Variants in SLC39A2 observed in about 807,000 individuals in gnomAD.
The protein encoded by SLC39A2 is solute carrier family 39 member 2.
Under a neutral mutation model 18.0 loss-of-function variants are expected in SLC39A2, and 14 were observed. The observed-to-expected ratio is 0.78, with a 90% confidence interval of 0.51 to 1.22. The LOEUF is 1.22. Ranked by LOEUF, SLC39A2 falls within the 50% of genes most tolerant of loss-of-function variation. The pLI is 0.00. For missense variants in SLC39A2, 375 were observed against 370.6 expected, an observed-to-expected ratio of 1.01 and a Z score of -0.10; for synonymous variants, 152 against 153.1, an observed-to-expected ratio of 0.99 and a Z score of 0.05.
rs746999749 is a variant in SLC39A2, at chr14:21,001,504, T to C, written c.855T>C (p.Pro285=). Reference sequence around the variant, plus strand: ...TTCTTCCACGGGAGCTAGCTAGTCCTGAGGCCCCTCTAGCTAAGTGGAGCT... The same window carrying C: ...TTCTTCCACGGGAGCTAGCTAGTCCCGAGGCCCCTCTAGCTAAGTGGAGCT... The part of the protein sequence containing the change: ...LEILPRELAS[P]EAPLAKWSCV... The change falls in exon 4 of 4, where the codon CCT becomes CCC. Residue 285 remains proline (P), a synonymous_variant. Transcript: ENST00000298681. The C allele has an allele frequency of 3.1e-6, 5 of 1,611,088 alleles. No individual in the cohort carries two copies. In the African/African-American group the frequency reaches 6.7e-5, roughly 22 times the overall value.
intron 3 of SLC39A2, 147 bp downstream of exon 3, chr14:21,000,313 A>G: frequency 6.5e-6 from 4 of 614,474 alleles, no homozygotes; most frequent in Non-Finnish European, 1.1e-5. Context: ...AAAGAGGAGC[A>G]AATCCAATCC....
intron 3 of SLC39A2, 86 bp downstream of exon 3, chr14:21,000,252 T>G: frequency 1.1e-6 from 1 of 949,284 alleles, no homozygotes; most frequent in Non-Finnish European, 1.6e-6. Context: ...GAGGAATACA[T>G]GAGGAGTACC....
chr14:21,000,472 T>C (rs544069804), intron 3 of SLC39A2, among the ~76,000 whole-genome samples: 1 of 152,324 alleles, frequency 6.6e-6, no homozygotes, highest in East Asian at 1.9e-4. Context: ...TTTGTTGTTG[T>C]TGTTTTTCGT....
rs1451447943 is a variant in SLC39A2, at chr14:21,000,125, G to C, written c.256G>C (p.Ala86Pro). The stretch of plus-strand genomic sequence containing the variant: ...GCTGCTTTCTTCTTAGAACAGATCA[G>C]CAAGTGAGAGAAATTCTTCTGGTGA... ...IQKFMVQNRSASERNSSGDAD... is the reference protein window; with the variant it reads ...IQKFMVQNRSPSERNSSGDAD... Residue 86 changes from alanine (A) to proline (P), a missense_variant, in exon 3 of 4, where the codon GCA becomes CCA. By Grantham distance (27) the Ala-to-Pro change is conservative. Coordinates refer to ENST00000298681, the MANE Select transcript of SLC39A2 (RefSeq NM_014579.4). 4 of 1,612,926 alleles carry C rather than the reference G, an allele frequency of 2.5e-6. No individual in the cohort carries two copies. The highest frequency in any genetic ancestry group is 3.4e-6 in the Non-Finnish European group (4 of 1,179,302).
At position 21,001,266 on chromosome 14, in the gene SLC39A2, T is replaced by C; in HGVS notation, c.617T>C (p.Val206Ala). The part of the protein sequence containing the change: ...CLAVLAHKGL[V>A]VFGVGMRLVH... ...GCTGTCCTGGCTCATAAGGGGCTTG[T>C]GGTGTTTGGTGTAGGAATGCGGCTA... The change falls in exon 4 of 4, where the codon GTG (valine) becomes GCG (alanine). Residue 206 changes from valine (V) to alanine (A), a missense_variant. Val to Ala is a moderately conservative substitution (Grantham distance 64, BLOSUM62 0). Transcript: ENST00000298681. The C allele has an allele frequency of 1.2e-6, 2 of 1,614,186 alleles. No homozygotes were observed. Among genetic ancestry groups the C allele is most frequent in the Non-Finnish European group, 1.7e-6 (2 of 1,180,018 alleles).
intron 3 of SLC39A2, 46 bp downstream of exon 3, chr14:21,000,212 G>C (rs569859254): frequency 2.1e-6 from 3 of 1,458,916 alleles, no homozygotes; most frequent in Non-Finnish European, 2.9e-6. Context: ...AGGAGAACCA[G>C]AGAGGCCTTT....
rs1280296542 is a variant in SLC39A2, at chr14:21,001,680, C to T, written c.*101C>T. 2.5e-6 allele frequency: 3 copies of T among 1,185,156 alleles called. No homozygotes were observed. The highest frequency in any genetic ancestry group is 3.0e-5 in the African/African-American group (2 of 65,740). 73.4% of individuals were successfully genotyped at this position (1,185,156 alleles called of 1,614,324 possible). A position where few individuals can be genotyped will look rare whatever the true frequency, so the allele number is the denominator to read the frequency against. On this transcript the variant is annotated 3_prime_UTR_variant, in exon 4 of 4. Coordinates refer to ENST00000298681, the MANE Select transcript of SLC39A2 (RefSeq NM_014579.4). ...ACCCTCAGACATTTCTTTACTCAGA[C>T]TAAATAGCATTCAGTAGGACTGGAC...
Position 21,001,556 on chromosome 14 carries a change from G to T in SLC39A2, c.907G>T (p.Ala303Ser). ...TGTAGCCGCTGGTTTTGCCTTCATG[G>T]CCTTTATTGCCTTGTGGGCCTGAGA... Reference protein sequence around the residue: ...SCVAAGFAFMAFIALWA With the variant: ...SCVAAGFAFMSFIALWA Residue 303 changes from alanine to serine, a missense_variant, in exon 4 of 4, where the codon GCC (alanine) becomes TCC (serine). Transcript: ENST00000298681. 6.4e-7 allele frequency: 1 copy of T among 1,564,566 alleles called. No individual in the cohort carries two copies. Among genetic ancestry groups the T allele is most frequent in the Non-Finnish European group, 8.6e-7 (1 of 1,156,978 alleles).
intron 1 of SLC39A2, 79 bp from the exon 2 acceptor site, chr14:20,999,663 G>C: frequency 6.3e-7 from 1 of 1,590,894 alleles, no homozygotes; most frequent in Non-Finnish European, 8.6e-7. Flanking sequence ...TTGGGATATT[G>C]AGTGCTGCCT....
rs1357362010 is a variant in SLC39A2, at chr14:21,001,340, T to C, written c.691T>C (p.Leu231=). 2.5e-6 allele frequency: 4 copies of C among 1,614,194 alleles called. No individual in the cohort carries two copies. The Admixed American group carries it at 6.7e-5, about 27-fold the overall frequency. ...ATGGGCAGTGTTCTCCATACTATTA[T>C]TAGCTCTCATGTCCCCCCTGGGCCT... ...SRWAVFSILL[L]ALMSPLGLAV... Residue 231 remains leucine, a synonymous_variant, in exon 4 of 4, where the codon TTA becomes CTA. Coordinates refer to ENST00000298681, the MANE Select transcript of SLC39A2 (RefSeq NM_014579.4).
chr14:20,999,935 A>G (rs1330508652), intron 2 of SLC39A2, 63 bp downstream of exon 2: 1 of 1,600,072 alleles, frequency 6.2e-7, no homozygotes, highest in Admixed American at 1.7e-5. Context: ...GACAAAGGGA[A>G]GAGAGCGGGA....
chr14:20,999,646 C>A, intron 1 of SLC39A2, 85 bp downstream of exon 1: 1 of 1,582,362 alleles, frequency 6.3e-7, no homozygotes. Flanking sequence ...TCTCACCATC[C>A]CCAACCTTGG....
chr14:21,000,674 G>A (rs1050672943), intron 3 of SLC39A2, among the ~76,000 whole-genome samples: 4 of 152,084 alleles, frequency 2.6e-5, no homozygotes, highest in African/African-American at 9.7e-5. Flanking sequence ...GTTTCATCAT[G>A]TTGGCCAGGC....
Position 20,999,482 on chromosome 14 carries a change from G to T in SLC39A2, c.36G>T (p.Leu12=). The change falls in exon 1 of 4, where the codon CTG becomes CTT. Residue 12 remains leucine (L), a synonymous_variant. Transcript: ENST00000298681. ...TACTAGGAATAAAACTTGGCTGCCT[G>T]TTTGCCCTGTTGGCTCTCACTCTGG... ...EQLLGIKLGC[L]FALLALTLGC... The T allele has an allele frequency of 6.2e-7, 1 of 1,614,180 alleles. No homozygotes were observed. The highest frequency in any genetic ancestry group is 8.5e-7 in the Non-Finnish European group (1 of 1,180,036).
At position 21,001,695 on chromosome 14, in the gene SLC39A2, T is replaced by C. The variant is rs1270566346; in HGVS notation, c.*116T>C. On this transcript the variant is annotated 3_prime_UTR_variant, in exon 4 of 4. Coordinates refer to ENST00000298681, the MANE Select transcript of SLC39A2 (RefSeq NM_014579.4). ...TTTACTCAGACTAAATAGCATTCAG[T>C]AGGACTGGACTGGACCCCAGGTTTC... 2.0e-6 allele frequency: 2 copies of C among 1,016,324 alleles called. No individual in the cohort carries two copies. Among genetic ancestry groups the C allele is most frequent in the Non-Finnish European group, 2.8e-6 (2 of 704,940 alleles). The allele number at this position is 1,016,324 out of a possible 1,614,324, so 63.0% of individuals were successfully genotyped here. A position where few individuals can be genotyped will look rare whatever the true frequency, so the allele number is the denominator to read the frequency against.
At chr14:20,999,951 A>G in intron 2 of SLC39A2, 79 bp downstream of exon 2, 1 of 1,579,826 alleles carries the variant, frequency 6.3e-7, no homozygotes, top group Non-Finnish European at 8.6e-7. Flanking sequence ...CGGGAAAGTG[A>G]TGGAGCCAAG....
In SLC39A2 at chr14:21,001,105, T is replaced by C. The variant is rs760518932; in HGVS notation, c.456T>C (p.His152=). 6.2e-7 allele frequency: 1 copy of C among 1,613,370 alleles called. No individual in the cohort carries two copies. The highest frequency in any genetic ancestry group is 1.1e-5 in the South Asian group (1 of 90,958). The change falls in exon 4 of 4, where the codon CAT becomes CAC. Residue 152 remains histidine (H), a synonymous_variant. Coordinates refer to ENST00000298681, the MANE Select transcript of SLC39A2 (RefSeq NM_014579.4). ...GGAHIFELHS[H]GHLPSPSKGP... ...CTCATATCTTCGAACTCCACAGCCATGGACATTTACCCTCACCCTCAAAGG... is the reference window on the plus strand; with the variant it reads ...CTCATATCTTCGAACTCCACAGCCACGGACATTTACCCTCACCCTCAAAGG...
In SLC39A2 at chr14:20,999,439, C is replaced by T. The variant is rs756728527; in HGVS notation, c.-8C>T. The T allele has an allele frequency of 1.2e-6, 2 of 1,604,520 alleles. No homozygotes were observed. The highest frequency in any genetic ancestry group is 1.7e-6 in the Non-Finnish European group (2 of 1,171,240). ...TTCTGACTCCTGGGCTTACCCTACA[C>T]CCCAGAGATGGAGCAACTACTAGGA... On this transcript the variant is annotated 5_prime_UTR_variant, in exon 1 of 4. Coordinates refer to ENST00000298681, the MANE Select transcript of SLC39A2 (RefSeq NM_014579.4).
intron 3 of SLC39A2, among the ~76,000 whole-genome samples, chr14:21,000,717 C>G (rs370674310): frequency 2.0e-5 from 3 of 152,242 alleles, no homozygotes; most frequent in South Asian, 2.1e-4. Context: ...AGTGATCTGC[C>G]CACTTCAGTC....
Sources: allele counts gnomAD v4.1 joint callset (sites outside exome capture counted in the v4.1 genomes callset), GRCh38; gene constraint gnomAD v4.1.1; transcripts MANE v1.5; gene names NCBI Gene and HGNC (gene_info 2026-07-23, HGNC 2026-07-21).